DTNA: variants seen among roughly 807,000 people sequenced by gnomAD.
The protein encoded by DTNA is dystrophin-related protein 3.
In DTNA, 43 loss-of-function variants were observed where a neutral mutation model predicts 100.7. The observed-to-expected ratio is 0.43, with a 90% CI of 0.33 to 0.55. The LOEUF is 0.55. Among genes scored for constraint, DTNA ranks in the 20% least tolerant of loss-of-function variants. DTNA has a pLI of 0.04. For synonymous variants in DTNA, 349 were observed against 347.9 expected (o/e 1.00, Z -0.04); for missense variants, 798 against 953.9 (o/e 0.84, Z 2.15).
At chr18:34,500,054 A>C (rs1013956742) in intron 1 of DTNA, among the ~76,000 whole-genome samples, 30 of 152,188 alleles carry the variant, frequency 2.0e-4, no homozygotes, top group African/African-American at 7.0e-4. Context: ...TTGCCTTTTC[A>C]TATAAATTTT....
intron 1 of DTNA, among the ~76,000 whole-genome samples, chr18:34,687,255 T>C (rs927707125): frequency 2.6e-5 from 4 of 152,346 alleles, no homozygotes; most frequent in East Asian, 1.9e-4. Context: ...TTTAGCTCTT[T>C]CCTGCTTTCT....
chr18:34,706,888 T>C (rs2082186946), upstream of DTNA, among the ~76,000 whole-genome samples: 1 of 152,184 alleles, frequency 6.6e-6, no homozygotes, highest in Non-Finnish European at 1.5e-5. Flanking sequence ...CAAGAAACAA[T>C]GTGCTTGCAA....
chr18:34,568,058 A>G (rs1000062447), intron 1 of DTNA, among the ~76,000 whole-genome samples: 1 of 152,222 alleles, frequency 6.6e-6, no homozygotes, highest in Non-Finnish European at 1.5e-5. Context: ...TTCTATAGAA[A>G]TAGGAATACT....
At chr18:34,515,136 C>T (rs908202096) in intron 1 of DTNA, among the ~76,000 whole-genome samples, 1 of 152,088 alleles carries the variant, frequency 6.6e-6, no homozygotes, top group Non-Finnish European at 1.5e-5. Context: ...TTCCACCTGA[C>T]TTTCTCTACC....
At chr18:34,645,661 G>A (rs995256572) in intron 1 of DTNA, among the ~76,000 whole-genome samples, 1 of 152,072 alleles carries the variant, frequency 6.6e-6, no homozygotes, top group Non-Finnish European at 1.5e-5. Context: ...TCCTTGATCA[G>A]AATTTTGAAC....
intron 1 of DTNA, among the ~76,000 whole-genome samples, chr18:34,512,777 C>A (rs2041220232): frequency 6.6e-6 from 1 of 151,872 alleles, no homozygotes; most frequent in African/African-American, 2.4e-5. Flanking sequence ...AGAAAACAAC[C>A]CTTTCCAATG....
intron 1 of DTNA, among the ~76,000 whole-genome samples, chr18:34,583,135 A>G (rs2048796470): frequency 6.6e-6 from 1 of 152,360 alleles, no homozygotes; most frequent in Admixed American, 6.5e-5. Flanking sequence ...TTAATTCCAC[A>G]GATAAATGAT....
chr18:34,536,626 C>T (rs1238614572), intron 1 of DTNA, among the ~76,000 whole-genome samples: 1 of 151,720 alleles, frequency 6.6e-6, no homozygotes, highest in Non-Finnish European at 1.5e-5. Context: ...GTAAAGACAT[C>T]CTCTATATTT....
chr18:34,824,035 A>G (rs867261812), intron 9 of DTNA, among the ~76,000 whole-genome samples: 3 of 152,248 alleles, frequency 2.0e-5, no homozygotes, highest in Admixed American at 6.5e-5. Flanking sequence ...AAAAAATTCC[A>G]TGATGTACAT....
At chr18:34,594,814 C>T (rs905374917) in intron 1 of DTNA, among the ~76,000 whole-genome samples, 4 of 152,090 alleles carry the variant, frequency 2.6e-5, no homozygotes, top group African/African-American at 7.2e-5. Context: ...ATTTTCCCTC[C>T]CTCTCAGTCC....
intron 2 of DTNA, 80 bp downstream of exon 2, chr18:34,756,123 T>A: frequency 6.7e-7 from 1 of 1,486,186 alleles, no homozygotes; most frequent in Non-Finnish European, 9.3e-7. Flanking sequence ...CATTTATCTT[T>A]ATGATATTTG....
intron 17 of DTNA, chr18:34,866,199 A>T (rs750236210): frequency 3.9e-5 from 63 of 1,613,916 alleles, no homozygotes; most frequent in Non-Finnish European, 5.3e-5. Flanking sequence ...CGGTTTTCTC[A>T]TTGCTTTTGC....
At chr18:34,616,736 A>G (rs1209797966) in intron 1 of DTNA, among the ~76,000 whole-genome samples, 1 of 152,194 alleles carries the variant, frequency 6.6e-6, no homozygotes, top group Non-Finnish European at 1.5e-5. Flanking sequence ...TATTAACAAT[A>G]TTGATCCTTC....
chr18:34,503,992 C>T (rs1389233828), intron 1 of DTNA: 1 of 152,096 alleles, frequency 6.6e-6, no homozygotes, highest in Admixed American at 6.5e-5. Flanking sequence ...CCCGCCACCA[C>T]ACTGGCTAAT....
intron 13 of DTNA, among the ~76,000 whole-genome samples, chr18:34,839,066 A>G (rs1389121186): frequency 6.6e-6 from 1 of 152,202 alleles, no homozygotes; most frequent in Non-Finnish European, 1.5e-5. Context: ...AAACTTGCAT[A>G]AAGGGATGCC....
At chr18:34,819,891 A>T (rs1264950575) in intron 8 of DTNA, among the ~76,000 whole-genome samples, 3 of 151,896 alleles carry the variant, frequency 2.0e-5, no homozygotes, top group Non-Finnish European at 2.9e-5. Flanking sequence ...GTATAAAAGA[A>T]AGTGACAAAA....
chr18:34,733,808 G>T (rs2147417832), intron 1 of DTNA, among the ~76,000 whole-genome samples: 1 of 152,236 alleles, frequency 6.6e-6, no homozygotes, highest in South Asian at 2.1e-4. Context: ...GGGAGATCAG[G>T]CATTTCCAGC....
chr18:34,854,554 G>A (rs185249204), intron 15 of DTNA, among the ~76,000 whole-genome samples: 116 of 152,260 alleles, frequency 7.6e-4, no homozygotes, highest in African/African-American at 2.7e-3. Flanking sequence ...TTGGAAGGCT[G>A]TGCCAGCTTG....
intron 1 of DTNA, among the ~76,000 whole-genome samples, chr18:34,622,201 A>G (rs956016919): frequency 2.6e-5 from 4 of 152,252 alleles, no homozygotes; most frequent in South Asian, 2.1e-4. Flanking sequence ...TGACTTAATC[A>G]TAGCACAATG....
Sources: gnomAD v4.1 joint callset for allele counts (sites outside exome capture counted in the v4.1 genomes callset) on GRCh38, gnomAD v4.1.1 for gene constraint, MANE v1.5 for transcripts, NCBI Gene and HGNC (gene_info 2026-07-23, HGNC 2026-07-21) for gene names.